Variants in DLG2 observed in about 807,000 individuals in gnomAD.
DLG2 encodes the protein discs large MAGUK scaffold protein 2.
In DLG2, 45 loss-of-function variants were observed where a neutral mutation model predicts 132.5. The observed-to-expected ratio is 0.34, with a 90% CI of 0.27 to 0.44. The LOEUF (loss-of-function observed/expected upper bound fraction) is 0.44. Among genes scored for constraint, DLG2 ranks in the 20% least tolerant of loss-of-function variants. The probability of loss-of-function intolerance (pLI) is 1.00; values close to 1 mark genes in which losing one functional copy is unlikely to be tolerated. For missense variants in DLG2, 1,045 were observed against 1,196.9 expected (o/e 0.87, Z 1.87); for synonymous variants, 424 against 419.6 (o/e 1.01, Z -0.13).
intron 17 of DLG2, among the ~76,000 whole-genome samples, chr11:83,795,416 AATATCT>A (rs56891300): frequency 2.0e-4 from 27 of 136,344 alleles, no homozygotes; most frequent in Admixed American, 9.6e-4. Flanking sequence ...TAAGAAAAAA[AATATCT>A]ATATCTATAT....
At chr11:84,969,948 G>T (rs1037524324) in intron 6 of DLG2, among the ~76,000 whole-genome samples, 1 of 152,030 alleles carries the variant, frequency 6.6e-6, no homozygotes, top group Non-Finnish European at 1.5e-5. Context: ...GTTTTCACTC[G>T]TAAGTGGGAG....
At chr11:83,672,353 T>C (rs1456392396) in intron 18 of DLG2, among the ~76,000 whole-genome samples, 1 of 152,094 alleles carries the variant, frequency 6.6e-6, no homozygotes, top group Non-Finnish European at 1.5e-5. Flanking sequence ...AATTTTGTAC[T>C]TTTAGTAGAT....
chr11:84,460,519 T>C (rs180956175), intron 7 of DLG2, among the ~76,000 whole-genome samples: 2 of 150,664 alleles, frequency 1.3e-5, no homozygotes, highest in East Asian at 3.9e-4. Flanking sequence ...AAATTCACTT[T>C]CTTGGTGGTG....
intron 18 of DLG2, among the ~76,000 whole-genome samples, chr11:83,658,100 C>T (rs1322029282): frequency 6.6e-6 from 1 of 152,198 alleles, no homozygotes; most frequent in Non-Finnish European, 1.5e-5. Context: ...AGTGCCCCCA[C>T]AATATTAGCT....
intron 6 of DLG2, among the ~76,000 whole-genome samples, chr11:84,645,806 G>C (rs1052374908): frequency 1.3e-5 from 2 of 152,176 alleles, no homozygotes; most frequent in African/African-American, 4.8e-5. Context: ...AGAGTGGCTA[G>C]CACCACAGGT....
chr11:84,562,263 G>T (rs1252179365), intron 6 of DLG2, among the ~76,000 whole-genome samples: 4 of 151,940 alleles, frequency 2.6e-5, no homozygotes, highest in Non-Finnish European at 5.9e-5. Flanking sequence ...CAGGATAAAG[G>T]CAGCATTTTC....
At chr11:84,667,203 C>A (rs1046356273) in intron 6 of DLG2, among the ~76,000 whole-genome samples, 1 of 151,960 alleles carries the variant, frequency 6.6e-6, no homozygotes, top group Admixed American at 6.6e-5. Flanking sequence ...CCATTCGCAC[C>A]GGGCAGGTAA....
chr11:85,148,285 G>A (rs966315141), intron 5 of DLG2, among the ~76,000 whole-genome samples: 3 of 151,918 alleles, frequency 2.0e-5, no homozygotes, highest in African/African-American at 7.3e-5. Context: ...GGGACTGCTG[G>A]GTCAAATGGT....
intron 6 of DLG2, among the ~76,000 whole-genome samples, chr11:84,681,839 AC>A (rs1197606556): frequency 1.3e-5 from 2 of 151,992 alleles, no homozygotes; most frequent in African/African-American, 2.4e-5. Flanking sequence ...AAAAAAAAAA[AC>A]AAACCCTCTT....
intron 3 of DLG2, among the ~76,000 whole-genome samples, chr11:85,559,244 C>T (rs899424252): frequency 2.0e-5 from 3 of 150,614 alleles, no homozygotes; most frequent in Non-Finnish European, 4.4e-5. Flanking sequence ...CTCTGCCTCC[C>T]GGGTTCAAGT....
At chr11:84,028,635 C>T (rs77946100) in intron 11 of DLG2, among the ~76,000 whole-genome samples, 207 of 152,184 alleles carry the variant, frequency 1.4e-3, no homozygotes, top group African/African-American at 4.7e-3. Flanking sequence ...TTTAAATGTG[C>T]CCATTCTTAC....
intron 7 of DLG2, among the ~76,000 whole-genome samples, chr11:84,273,830 C>A (rs2097760108): frequency 6.6e-6 from 1 of 152,134 alleles, no homozygotes; most frequent in Non-Finnish European, 1.5e-5. Flanking sequence ...CTAGATGTGA[C>A]ATATTCTTCA....
At chr11:83,749,702 G>A (rs1291497712) in intron 18 of DLG2, among the ~76,000 whole-genome samples, 2 of 152,088 alleles carry the variant, frequency 1.3e-5, no homozygotes, top group Non-Finnish European at 2.9e-5. Flanking sequence ...AGTTCCTTTT[G>A]GTTCACATCT....
At chr11:84,081,845 C>A (rs546915135) in intron 10 of DLG2, among the ~76,000 whole-genome samples, 1 of 152,228 alleles carries the variant, frequency 6.6e-6, no homozygotes, top group South Asian at 2.1e-4. Flanking sequence ...GTAATGGGAT[C>A]GCTGGGTCAA....
intron 3 of DLG2, among the ~76,000 whole-genome samples, chr11:85,411,093 A>G (rs1452847851): frequency 6.6e-6 from 1 of 151,856 alleles, no homozygotes; most frequent in African/African-American, 2.4e-5. Context: ...ATTTGAGGGA[A>G]TATTCTTCAG....
At chr11:83,716,459 T>C (rs767230113) in intron 18 of DLG2, among the ~76,000 whole-genome samples, 24 of 152,246 alleles carry the variant, frequency 1.6e-4, no homozygotes, top group Non-Finnish European at 2.5e-4. Context: ...GTAAGTTTTA[T>C]AGAACTAGTG....
At chr11:84,413,577 A>C (rs909118051) in intron 7 of DLG2, among the ~76,000 whole-genome samples, 1 of 152,188 alleles carries the variant, frequency 6.6e-6, no homozygotes, top group Non-Finnish European at 1.5e-5. Context: ...GGGAATATGA[A>C]ATAAATACAG....
intron 19 of DLG2, among the ~76,000 whole-genome samples, chr11:83,575,497 C>T (rs895399194): frequency 6.6e-6 from 1 of 152,156 alleles, no homozygotes; most frequent in Non-Finnish European, 1.5e-5. Context: ...GAGAACCACT[C>T]TTGAGTATTT....
intron 21 of DLG2, among the ~76,000 whole-genome samples, chr11:83,499,820 A>G (rs1351350230): frequency 1.5e-5 from 2 of 131,462 alleles, no homozygotes; most frequent in Non-Finnish European, 3.2e-5. Flanking sequence ...ATTTCCTCTA[A>G]TAGGATATAT....
Sources: allele counts gnomAD v4.1 joint callset (sites outside exome capture counted in the v4.1 genomes callset), GRCh38; gene constraint gnomAD v4.1.1; transcripts MANE v1.5; gene names NCBI Gene and HGNC (gene_info 2026-07-23, HGNC 2026-07-21).